The following ZSWIM6 variants were observed in gnomAD, a reference collection of about 807,000 sequenced individuals.
ZSWIM6 encodes the protein zinc finger SWIM-type containing 6, also known as zinc finger SWIM domain-containing protein 6.
ZSWIM6 carries 9 observed loss-of-function variants against 113.2 expected under a neutral mutation model. That is an observed-to-expected ratio of 0.08 (90% confidence interval 0.05 to 0.14). ZSWIM6 has a LOEUF of 0.14. ZSWIM6 is among the 10% of genes least tolerant of loss of function. The probability of loss-of-function intolerance (pLI) is 1.00; values close to 1 mark genes in which losing one functional copy is unlikely to be tolerated. For missense variants in ZSWIM6, 1,162 were observed against 1,552.2 expected (o/e 0.75, Z 4.22); for synonymous variants, 611 against 606.5 (o/e 1.01, Z -0.11).
intron 1 of ZSWIM6, among the ~76,000 whole-genome samples, chr5:61,419,142 G>A (rs1255344398): frequency 1.3e-5 from 2 of 152,146 alleles, no homozygotes; most frequent in East Asian, 3.9e-4. Context: ...AACTTAGTTG[G>A]GTTAGTTTCC....
At chr5:61,369,121 A>ACAT (rs1487594435) in intron 1 of ZSWIM6, among the ~76,000 whole-genome samples, 1 of 152,250 alleles carries the variant, frequency 6.6e-6, no homozygotes, top group African/African-American at 2.4e-5. Flanking sequence ...AGTGTGTTGT[A>ACAT]CATCACTTCA....
chr5:61,447,850 A>G (rs1356698956), intron 1 of ZSWIM6, among the ~76,000 whole-genome samples: 1 of 152,190 alleles, frequency 6.6e-6, no homozygotes, highest in Non-Finnish European at 1.5e-5. Context: ...TCAGTCTCAA[A>G]TCTATCTCCC....
chr5:61,489,451 T>C (rs1002406186), intron 2 of ZSWIM6, among the ~76,000 whole-genome samples: 13 of 152,076 alleles, frequency 8.5e-5, no homozygotes, highest in Non-Finnish European at 1.9e-4. Flanking sequence ...CCACCTGTTA[T>C]AGCTTATAAA....
chr5:61,333,266 CG>C (rs1443503511), intron 1 of ZSWIM6, among the ~76,000 whole-genome samples: 2 of 151,836 alleles, frequency 1.3e-5, no homozygotes, highest in Admixed American at 6.5e-5. Context: ...GGCTGTTCGC[CG>C]GTTTCGGGGG....
chr5:61,484,654 C>T (rs1747967745), intron 2 of ZSWIM6, among the ~76,000 whole-genome samples: 1 of 152,166 alleles, frequency 6.6e-6, no homozygotes, highest in South Asian at 2.1e-4. Flanking sequence ...CTGTGGGATA[C>T]AGTTATAGAC....
In ZSWIM6 at chr5:61,332,305, G is replaced by T. The variant is rs763502557; in HGVS notation, c.33G>T (p.Ala11=). The change falls in exon 1 of 14, where the codon GCG becomes GCT. Residue 11 remains alanine (A), a synonymous_variant. Transcript: ENST00000252744. The part of the protein sequence containing the change: MAERGQQPPP[A]KRLCCRPGGG... ...AGCGCGGACAGCAGCCTCCTCCCGC[G>T]AAACGGCTTTGCTGCCGGCCGGGCG... 2 of 1,168,458 alleles carry T rather than the reference G, an allele frequency of 1.7e-6. No individual in the cohort carries two copies. Among genetic ancestry groups the T allele is most frequent in the East Asian group, 3.8e-5 (1 of 26,502 alleles). The allele number at this position is 1,168,458 out of a possible 1,614,324, so 72.4% of individuals were successfully genotyped here.
intron 1 of ZSWIM6, among the ~76,000 whole-genome samples, chr5:61,393,153 C>T (rs1354446613): frequency 3.9e-5 from 6 of 152,006 alleles, no homozygotes; most frequent in South Asian, 2.1e-4. Flanking sequence ...GATTCTCCTG[C>T]CTCAGCCCTC....
At chr5:61,333,005 G>GC (rs1385829982) in intron 1 of ZSWIM6, 57 bp downstream of exon 1, 5 of 808,286 alleles carry the variant, frequency 6.2e-6, no homozygotes, top group Non-Finnish European at 8.0e-6. Context: ...TGGGTGGGGG[G>GC]GGGGTGCCCG....
chr5:61,530,044 T>G lies in ZSWIM6; in HGVS notation c.1838-8T>G. On this transcript the variant is annotated splice_polypyrimidine_tract_variant and splice_region_variant and intron_variant, in intron 7 of 13. Transcript: ENST00000252744. ...TCCCCCATTTCTCAATTCCCTTTCC[T>G]TACACAGAGCTACCCCATAAAAACA... The G allele has an allele frequency of 1.9e-6, 3 of 1,545,084 alleles. No homozygotes were observed. Among genetic ancestry groups the G allele is most frequent in the Non-Finnish European group, 2.6e-6 (3 of 1,142,958 alleles).
chr5:61,433,249 G>A (rs1746623373), intron 1 of ZSWIM6, among the ~76,000 whole-genome samples: 1 of 152,022 alleles, frequency 6.6e-6, no homozygotes, highest in African/African-American at 2.4e-5. Context: ...ATTTATATTT[G>A]GGGATTAGGT....
chr5:61,398,423 C>T (rs1272646146), intron 1 of ZSWIM6, among the ~76,000 whole-genome samples: 1 of 152,186 alleles, frequency 6.6e-6, no homozygotes, highest in South Asian at 2.1e-4. Flanking sequence ...AATTGTCTTT[C>T]ATGAATCGGT....
At chr5:61,483,122 T>C (rs973353082) in intron 2 of ZSWIM6, among the ~76,000 whole-genome samples, 7 of 152,188 alleles carry the variant, frequency 4.6e-5, no homozygotes, top group Admixed American at 1.3e-4. Flanking sequence ...AAGTCCAAGG[T>C]TGAGAGGCTG....
intron 4 of ZSWIM6, among the ~76,000 whole-genome samples, chr5:61,515,416 T>C (rs1748906542): frequency 6.6e-6 from 1 of 152,180 alleles, no homozygotes; most frequent in African/African-American, 2.4e-5. Context: ...ATTACAGGCG[T>C]GAGCCACTGC....
At chr5:61,392,904 G>A (rs558896303) in intron 1 of ZSWIM6, among the ~76,000 whole-genome samples, 15 of 151,932 alleles carry the variant, frequency 9.9e-5, no homozygotes, top group Middle Eastern at 3.4e-3. Flanking sequence ...GAGCCACCGC[G>A]CCTGGCCCAT....
At chr5:61,535,692 ACTCCTT>A (rs780610092) in intron 10 of ZSWIM6, 73 bp downstream of exon 10, 23 of 1,513,436 alleles carry the variant, frequency 1.5e-5, no homozygotes, top group Non-Finnish European at 2.1e-5. Context: ...TAACTGACTT[ACTCCTT>A]CATGTTTCTT....
At position 61,455,680 on chromosome 5, in the gene ZSWIM6, G is replaced by T. The variant is rs548523636; in HGVS notation, c.677-17001G>T. Among the ~76,000 whole-genome samples the T allele has an allele frequency of 1.9e-4, 29 of 152,224 alleles. No individual in the cohort carries two copies. The East Asian group carries it at 4.4e-3, about 23-fold the overall frequency. On this transcript the variant is annotated intron_variant, in intron 1 of 13. Coordinates refer to ENST00000252744, the MANE Select transcript of ZSWIM6 (RefSeq NM_020928.2). Reference sequence around the variant, plus strand: ...GATCTCTATAGCTAAAGGACTGGTAGCCCAGCTTAGTGAGGCAGTGAGGGC... The same window carrying T: ...GATCTCTATAGCTAAAGGACTGGTATCCCAGCTTAGTGAGGCAGTGAGGGC...
chr5:61,380,865 C>T (rs989441142), intron 1 of ZSWIM6, among the ~76,000 whole-genome samples: 11 of 151,366 alleles, frequency 7.3e-5, no homozygotes, highest in African/African-American at 2.7e-4. Context: ...CTTTGGGAGG[C>T]AGAGGCAAGT....
chr5:61,364,233 T>C (rs1436198262), intron 1 of ZSWIM6, among the ~76,000 whole-genome samples: 5 of 151,950 alleles, frequency 3.3e-5, no homozygotes, highest in Admixed American at 3.3e-4. Flanking sequence ...TCAGAAAACA[T>C]AATAGCATAC....
At chr5:61,392,352 T>G (rs1258706091) in intron 1 of ZSWIM6, among the ~76,000 whole-genome samples, 1 of 152,218 alleles carries the variant, frequency 6.6e-6, no homozygotes, top group African/African-American at 2.4e-5. Flanking sequence ...AATATGCCTG[T>G]TCTGGAATAT....
Sources: allele counts gnomAD v4.1 joint callset (sites outside exome capture counted in the v4.1 genomes callset), GRCh38; gene constraint gnomAD v4.1.1; transcripts MANE v1.5; gene names NCBI Gene and HGNC (gene_info 2026-07-23, HGNC 2026-07-21).